CFAP54: variants seen among roughly 807,000 people sequenced by gnomAD.
CFAP54 encodes cilia and flagella associated protein 54, also known as cilia- and flagella-associated protein 54.
CFAP54 carries 290 observed loss-of-function variants against 370.4 expected under a neutral mutation model. That is an observed-to-expected ratio of 0.78 (90% CI 0.71 to 0.86). The LOEUF (loss-of-function observed/expected upper bound fraction) is 0.86, where lower values mean the gene tolerates loss of function less well. CFAP54 is among the 40% of genes least tolerant of loss of function. The probability of loss-of-function intolerance (pLI) is 0.00; values close to 1 mark genes in which losing one functional copy is unlikely to be tolerated. For missense variants in CFAP54, 3,399 were observed against 3,528.7 expected, an observed-to-expected ratio of 0.96 and a Z score of 0.93; for synonymous variants, 1,206 against 1,236.5, an observed-to-expected ratio of 0.98 and a Z score of 0.52.
intron 45 of CFAP54, among the ~76,000 whole-genome samples, chr12:96,695,113 T>C (rs1957429275): frequency 6.6e-6 from 1 of 152,118 alleles, no homozygotes; most frequent in Non-Finnish European, 1.5e-5. Flanking sequence ...ATACTCCCAC[T>C]ATGTCTGACT....
At chr12:96,743,587 T>G in intron 53 of CFAP54, 28 bp downstream of exon 53, 1 of 1,613,504 alleles carries the variant, frequency 6.2e-7, no homozygotes, top group East Asian at 2.2e-5. Flanking sequence ...TTCGTATTTA[T>G]AGTCAGGGAG....
At chr12:96,508,622 G>T in intron 4 of CFAP54, among the ~76,000 whole-genome samples, 1 of 145,820 alleles carries the variant, frequency 6.9e-6, no homozygotes, top group African/African-American at 2.5e-5. Flanking sequence ...GATTATTTCT[G>T]TATCCTTGAT....
chr12:96,642,281 T>C (rs1389102385), intron 32 of CFAP54, among the ~76,000 whole-genome samples: 1 of 152,136 alleles, frequency 6.6e-6, no homozygotes, highest in Admixed American at 6.6e-5. Flanking sequence ...GTACACACCT[T>C]GTACAGCCCT....
At chr12:96,496,432 T>C (rs1391967877) in intron 1 of CFAP54, among the ~76,000 whole-genome samples, 1 of 152,202 alleles carries the variant, frequency 6.6e-6, no homozygotes, top group Non-Finnish European at 1.5e-5. Context: ...AAGTCCCAGA[T>C]CAAGGTCCAG....
At chr12:96,615,420 C>T (rs1332951087) in intron 26 of CFAP54, among the ~76,000 whole-genome samples, 2 of 152,146 alleles carry the variant, frequency 1.3e-5, no homozygotes, top group African/African-American at 4.8e-5. Context: ...TAGAAGAAAA[C>T]CTAGGCAATA....
chr12:96,603,888 C>T (rs1014614793), intron 26 of CFAP54, among the ~76,000 whole-genome samples: 13 of 152,094 alleles, frequency 8.5e-5, no homozygotes, highest in South Asian at 4.1e-4. Flanking sequence ...AGCTTCCTTG[C>T]GGTGGGTTAG....
intron 46 of CFAP54, among the ~76,000 whole-genome samples, chr12:96,702,269 C>T (rs59474958): frequency 0.019 from 2,930 of 151,992 alleles, 108 homozygotes; most frequent in African/African-American, 0.067. Context: ...TCCCAGTAGA[C>T]ATCCAGGTGG....
intron 9 of CFAP54, among the ~76,000 whole-genome samples, chr12:96,529,574 G>A (rs931666578): frequency 6.6e-6 from 1 of 152,106 alleles, no homozygotes; most frequent in Non-Finnish European, 1.5e-5. Context: ...TGGTGTTGCA[G>A]TATAAACTTA....
At chr12:96,764,338 AG>A (rs2136670975) in intron 59 of CFAP54, 89 bp downstream of exon 59, 1 of 988,908 alleles carries the variant, frequency 1.0e-6, no homozygotes, top group East Asian at 2.8e-5. Flanking sequence ...TAAAAGAGAA[AG>A]GAGTTGGGTG....
intron 63 of CFAP54, among the ~76,000 whole-genome samples, chr12:96,802,224 A>T (rs1958827673): frequency 6.6e-6 from 1 of 151,958 alleles, no homozygotes; most frequent in Non-Finnish European, 1.5e-5. Context: ...TGAGATCGAG[A>T]CTCAAGCAGA....
intron 9 of CFAP54, among the ~76,000 whole-genome samples, chr12:96,530,398 A>T (rs1459131032): frequency 3.3e-5 from 5 of 152,162 alleles, no homozygotes; most frequent in Non-Finnish European, 5.9e-5. Context: ...GCTGAGGCAA[A>T]AGAATCATTT....
At chr12:96,868,043 T>A (rs1035551107) in intron 67 of CFAP54, among the ~76,000 whole-genome samples, 3 of 151,908 alleles carry the variant, frequency 2.0e-5, no homozygotes, top group African/African-American at 4.8e-5. Flanking sequence ...TTCATCAATT[T>A]AAAAAAAAGA....
chr12:96,573,469 G>A (rs1177257800), intron 19 of CFAP54, among the ~76,000 whole-genome samples: 2 of 151,904 alleles, frequency 1.3e-5, no homozygotes, highest in South Asian at 2.1e-4. Flanking sequence ...TGGTACATTC[G>A]TCCCCTCAGG....
At chr12:96,550,131 A>G (rs964501989) in intron 15 of CFAP54, among the ~76,000 whole-genome samples, 3 of 152,210 alleles carry the variant, frequency 2.0e-5, no homozygotes, top group Admixed American at 6.5e-5. Flanking sequence ...TTATTAGTAA[A>G]GCATTTAGCC....
intron 8 of CFAP54, among the ~76,000 whole-genome samples, chr12:96,525,657 G>C (rs1317742626): frequency 6.6e-6 from 1 of 152,122 alleles, no homozygotes; most frequent in Non-Finnish European, 1.5e-5. Context: ...TCTTACCTCT[G>C]TAAGAAAAGA....
chr12:96,741,319 A>G (rs931759630), intron 51 of CFAP54, among the ~76,000 whole-genome samples: 10 of 152,102 alleles, frequency 6.6e-5, no homozygotes. Context: ...GGTGCCTGCC[A>G]CCATGCCTGT....
At chr12:96,541,302 T>C (rs1955566433) in intron 14 of CFAP54, among the ~76,000 whole-genome samples, 2 of 150,944 alleles carry the variant, frequency 1.3e-5, no homozygotes, top group Non-Finnish European at 2.9e-5. Context: ...TTTTTTTTTT[T>C]TGAGACGGAG....
In CFAP54 at chr12:96,644,181, TAGGAG is replaced by T; in HGVS notation, c.4322_4326del (p.Arg1441AsnfsTer4). On this transcript the variant is annotated frameshift_variant, in exon 33 of 68. Coordinates refer to ENST00000524981, the MANE Select transcript of CFAP54 (RefSeq NM_001306084.2). LOFTEE classifies it high-confidence loss of function. ...AAACTTCTTTCTCCCTTGGCAGAAA[TAGGAG>T]AACCAGTGTTAGGAAAGCAGCACAA... The T allele has an allele frequency of 6.6e-7, 1 of 1,524,920 alleles. No individual in the cohort carries two copies. The highest frequency in any genetic ancestry group is 8.8e-7 in the Non-Finnish European group (1 of 1,139,232). The allele number at this position is 1,524,920 out of a possible 1,614,324, so 94.5% of individuals were successfully genotyped here.
At chr12:96,597,797 G>A (rs1185189883) in intron 25 of CFAP54, among the ~76,000 whole-genome samples, 3 of 151,614 alleles carry the variant, frequency 2.0e-5, no homozygotes, top group African/African-American at 7.3e-5. Context: ...AACCCTCCTA[G>A]GTACATTATG....
Sources: allele counts gnomAD v4.1 joint callset (sites outside exome capture counted in the v4.1 genomes callset), GRCh38; gene constraint gnomAD v4.1.1; transcripts MANE v1.5; gene names NCBI Gene and HGNC (gene_info 2026-07-23, HGNC 2026-07-21).